The following CNTNAP5 variants were observed in gnomAD, a reference collection of about 807,000 sequenced individuals.
The protein encoded by CNTNAP5 is contactin associated protein family member 5.
A neutral mutation model predicts 150.2 loss-of-function variants in CNTNAP5; 72 were observed. The observed-to-expected ratio is 0.48, with a 90% CI of 0.40 to 0.58. CNTNAP5 has a LOEUF of 0.58. CNTNAP5 is among the 20% of genes least tolerant of loss of function. The probability of loss-of-function intolerance (pLI) is 0.00; values close to 1 mark genes in which losing one functional copy is unlikely to be tolerated. For synonymous variants in CNTNAP5, 672 were observed against 619.8 expected (o/e 1.08, Z -1.25); for missense variants, 1,636 against 1,626.2 (o/e 1.01, Z -0.10).
At chr2:124,782,035 G>C (rs1473585067) in intron 17 of CNTNAP5, among the ~76,000 whole-genome samples, 1 of 152,158 alleles carries the variant, frequency 6.6e-6, no homozygotes, top group Non-Finnish European at 1.5e-5. Flanking sequence ...ATGTATATAT[G>C]TGTGCATATG....
At chr2:124,340,709 A>G (rs1366193746) in intron 3 of CNTNAP5, among the ~76,000 whole-genome samples, 1 of 151,644 alleles carries the variant, frequency 6.6e-6, no homozygotes, top group Non-Finnish European at 1.5e-5. Flanking sequence ...CCTTGAGACC[A>G]AGAGTTCAAG....
Position 124,359,315 on chromosome 2 carries a change from C to T in CNTNAP5, c.382-58128C>T, listed in dbSNP as rs201161500. ...GTGTCTCTATTTCCTTCAGTTCTGC[C>T]CTGATTTTAGTTATTTCTTGCCTTC... On this transcript the variant is annotated intron_variant, in intron 3 of 23. Transcript: ENST00000682447. 8.4e-4 allele frequency among the ~76,000 whole-genome samples: 125 copies of T among 149,564 alleles called. No individual in the cohort carries two copies. The Middle Eastern group carries it at 0.017, about 21-fold the overall frequency.
chr2:124,650,747 T>A (rs899878465), intron 13 of CNTNAP5, among the ~76,000 whole-genome samples: 2 of 152,234 alleles, frequency 1.3e-5, no homozygotes, highest in African/African-American at 4.8e-5. Flanking sequence ...CCTTTCTTTA[T>A]CAATAAATAC....
At chr2:124,448,112 CA>C (rs1692869086) in intron 6 of CNTNAP5, among the ~76,000 whole-genome samples, 1 of 151,648 alleles carries the variant, frequency 6.6e-6, no homozygotes, top group East Asian at 1.9e-4. Context: ...ACTAAAAACA[CA>C]AAAAACTAGC....
intron 21 of CNTNAP5, among the ~76,000 whole-genome samples, chr2:124,879,762 C>T (rs574126677): frequency 1.3e-5 from 2 of 152,202 alleles, no homozygotes; most frequent in Admixed American, 6.5e-5. Context: ...ATTTTCTTTG[C>T]CTGATATCCC....
chr2:124,382,693 T>C (rs1021238914), intron 3 of CNTNAP5, among the ~76,000 whole-genome samples: 7 of 152,146 alleles, frequency 4.6e-5, no homozygotes, highest in African/African-American at 1.7e-4. Flanking sequence ...AAGAACTAAA[T>C]ATCTATATGA....
At position 124,706,840 on chromosome 2, in the gene CNTNAP5, G is replaced by A. The variant is rs1558743117; in HGVS notation, c.2078-40389G>A. ...GGAGGAGGAGGAAGAGGAGGAGGGG[G>A]AGGAAGGAGGAGGAGGAGAAGGAGA... On this transcript the variant is annotated intron_variant, in intron 13 of 23. Coordinates refer to ENST00000682447, the MANE Select transcript of CNTNAP5 (RefSeq NM_001367498.1). 7.4e-3 allele frequency among the ~76,000 whole-genome samples: 52 copies of A among 6,988 alleles called. 6 individuals carry two copies. The highest frequency in any genetic ancestry group is 0.022 in the African/African-American group (47 of 2,140). The allele number at this position is 6,988 out of a possible 152,430, so 4.6% of individuals were successfully genotyped here.
At chr2:124,755,506 G>T (rs1680820658) in intron 14 of CNTNAP5, among the ~76,000 whole-genome samples, 1 of 152,094 alleles carries the variant, frequency 6.6e-6, no homozygotes, top group African/African-American at 2.4e-5. Flanking sequence ...GGAACTCTTG[G>T]CCAAGTATGT....
intron 19 of CNTNAP5, among the ~76,000 whole-genome samples, chr2:124,842,715 C>T (rs896230346): frequency 6.6e-6 from 1 of 152,090 alleles, no homozygotes; most frequent in Non-Finnish European, 1.5e-5. Context: ...GAACCCATCA[C>T]TGAATAGTTT....
chr2:124,114,823 A>G (rs529944760), intron 1 of CNTNAP5, among the ~76,000 whole-genome samples: 3 of 151,652 alleles, frequency 2.0e-5, no homozygotes, highest in Admixed American at 6.6e-5. Context: ...ATGGATATAT[A>G]TATTATATGT....
At chr2:124,320,853 C>A (rs2104668669) in intron 3 of CNTNAP5, among the ~76,000 whole-genome samples, 1 of 152,100 alleles carries the variant, frequency 6.6e-6, no homozygotes, top group South Asian at 2.1e-4. Context: ...CACTGGTGGA[C>A]CGTGCATTTC....
chr2:124,460,479 TA>T (rs1339464416), intron 6 of CNTNAP5, among the ~76,000 whole-genome samples: 5 of 152,190 alleles, frequency 3.3e-5, no homozygotes, highest in African/African-American at 4.8e-5. Context: ...TAAATATACT[TA>T]TTTTTTAAAT....
intron 13 of CNTNAP5, among the ~76,000 whole-genome samples, chr2:124,745,124 G>C (rs1680578589): frequency 6.6e-6 from 1 of 152,076 alleles, no homozygotes; most frequent in African/African-American, 2.4e-5. Context: ...GGAACTTCTA[G>C]GGAGTAAAAA....
chr2:124,639,143 C>T (rs1035719179), intron 12 of CNTNAP5, among the ~76,000 whole-genome samples: 2 of 152,102 alleles, frequency 1.3e-5, no homozygotes, highest in African/African-American at 4.8e-5. Flanking sequence ...GTTAGAGACA[C>T]GGAGATTTCT....
chr2:124,305,310 A>T (rs755089651), intron 3 of CNTNAP5, among the ~76,000 whole-genome samples: 1 of 151,660 alleles, frequency 6.6e-6, no homozygotes, highest in Non-Finnish European at 1.5e-5. Flanking sequence ...TGCAAATGGC[A>T]CCTAACCAGA....
At chr2:124,805,310 G>A (rs190674433) in intron 19 of CNTNAP5, among the ~76,000 whole-genome samples, 210 of 151,846 alleles carry the variant, frequency 1.4e-3, no homozygotes, top group Non-Finnish European at 2.8e-3. Flanking sequence ...AATAGAGAGG[G>A]GTGTGTGTGT....
intron 11 of CNTNAP5, among the ~76,000 whole-genome samples, chr2:124,607,228 T>G (rs533290290): frequency 6.6e-6 from 1 of 152,250 alleles, no homozygotes; most frequent in African/African-American, 2.4e-5. Flanking sequence ...TGGTTCTGTC[T>G]TGGTCTCTCA....
At chr2:124,049,806 G>T in intron 1 of CNTNAP5, among the ~76,000 whole-genome samples, 1 of 152,164 alleles carries the variant, frequency 6.6e-6, no homozygotes. Flanking sequence ...CAGTTGTAAA[G>T]CCTGGAGAAT....
At chr2:124,571,340 T>A (rs1335147463) in intron 11 of CNTNAP5, among the ~76,000 whole-genome samples, 1 of 151,962 alleles carries the variant, frequency 6.6e-6, no homozygotes, top group African/African-American at 2.4e-5. Flanking sequence ...GTGTGGGACC[T>A]TGAAAGTAAA....
Sources: gnomAD v4.1 joint callset for allele counts (sites outside exome capture counted in the v4.1 genomes callset) on GRCh38, gnomAD v4.1.1 for gene constraint, MANE v1.5 for transcripts, NCBI Gene and HGNC (gene_info 2026-07-23, HGNC 2026-07-21) for gene names.